The following DDIAS variants were observed in gnomAD, a reference collection of about 807,000 sequenced individuals.
DDIAS encodes the protein DNA damage induced apoptosis suppressor.
A neutral mutation model predicts 15.7 loss-of-function variants in DDIAS; 14 were observed. The ratio of observed to expected loss-of-function variants is 0.89; its 90% CI spans 0.59 to 1.39. The LOEUF (loss-of-function observed/expected upper bound fraction) is 1.39, where lower values mean the gene tolerates loss of function less well. Among genes scored for constraint, DDIAS ranks in the 40% most tolerant of loss-of-function variants. The pLI, the probability that DDIAS is intolerant of heterozygous loss-of-function variation, is 0.00. For synonymous variants in DDIAS, 355 were observed against 395.9 expected (o/e 0.90, Z 1.23); for missense variants, 1,035 against 1,130.9 (o/e 0.92, Z 1.22).
In DDIAS at chr11:82,902,374, C is replaced by T. The variant is rs1364420745; in HGVS notation, c.-117+552C>T. ...GTTCGACCCTATGACTGCTACATAGCTGTGACAGTAACCCCCCCCTCCCCC... is the reference window on the plus strand; with the variant it reads ...GTTCGACCCTATGACTGCTACATAGTTGTGACAGTAACCCCCCCCTCCCCC... On this transcript the variant is annotated intron_variant, in intron 1 of 5. Transcript: ENST00000533655. 2.0e-5 allele frequency among the ~76,000 whole-genome samples: 3 copies of T among 152,058 alleles called. No homozygotes were observed. In the East Asian group the frequency reaches 5.8e-4, roughly 29 times the overall value.
chr11:82,902,047 C>G (rs932115192), intron 1 of DDIAS, among the ~76,000 whole-genome samples: 10 of 152,206 alleles, frequency 6.6e-5, no homozygotes, highest in Non-Finnish European at 1.0e-4. Flanking sequence ...TGAACACTTA[C>G]AGTGCCATCG....
intron 3 of DDIAS, among the ~76,000 whole-genome samples, chr11:82,920,219 T>C (rs1860716680): frequency 6.6e-6 from 1 of 152,188 alleles, no homozygotes; most frequent in Middle Eastern, 3.2e-3. Context: ...GTGGTGTCAG[T>C]TGTAATATGT....
intron 4 of DDIAS, among the ~76,000 whole-genome samples, chr11:82,929,916 A>G (rs1174457627): frequency 6.6e-6 from 1 of 152,078 alleles, no homozygotes; most frequent in Admixed American, 6.6e-5. Context: ...TTTCCTTATA[A>G]TCATTGCCGG....
At chr11:82,914,088 C>G (rs573481021) in intron 2 of DDIAS, 3 of 326,336 alleles carry the variant, frequency 9.2e-6, no homozygotes, top group African/African-American at 2.3e-5. Context: ...AGGCACCCCC[C>G]ACCATGCTCA....
At chr11:82,926,140 A>G (rs1860857842) in intron 3 of DDIAS, among the ~76,000 whole-genome samples, 1 of 141,424 alleles carries the variant, frequency 7.1e-6, no homozygotes, top group African/African-American at 2.7e-5. Flanking sequence ...TCCAGACTGG[A>G]GTTCAATGGC....
intron 3 of DDIAS, among the ~76,000 whole-genome samples, chr11:82,917,860 C>T (rs1292211325): frequency 6.6e-6 from 1 of 152,248 alleles, no homozygotes; most frequent in Admixed American, 6.5e-5. Flanking sequence ...AAGGTAGTAT[C>T]GCATTGTGAT....
intron 5 of DDIAS, among the ~76,000 whole-genome samples, 193 bp from the exon 6 acceptor site, chr11:82,931,539 T>C (rs1009732585): frequency 3.9e-5 from 6 of 151,914 alleles, no homozygotes; most frequent in African/African-American, 1.5e-4. Flanking sequence ...GGTATTTTTT[T>C]TAGAGGAGAG....
intron 3 of DDIAS, among the ~76,000 whole-genome samples, chr11:82,916,255 C>T (rs1303918767): frequency 6.6e-6 from 1 of 152,152 alleles, no homozygotes; most frequent in Non-Finnish European, 1.5e-5. Context: ...TAGTAGAATA[C>T]ATAACATATA....
chr11:82,907,337 A>G (rs1258823184), intron 1 of DDIAS, among the ~76,000 whole-genome samples: 1 of 152,224 alleles, frequency 6.6e-6, no homozygotes, highest in East Asian at 1.9e-4. Flanking sequence ...AATACACTAC[A>G]ATAGACAAAA....
chr11:82,921,196 C>A (rs1228076413), intron 3 of DDIAS, among the ~76,000 whole-genome samples: 1 of 152,156 alleles, frequency 6.6e-6, no homozygotes, highest in African/African-American at 2.4e-5. Flanking sequence ...ATAGCTACCC[C>A]TGCTTGGTGT....
rs1305923135 is a variant in DDIAS at position 82,931,733 on chromosome 11, A to AT, written c.399dup (p.Glu134Ter). ...TAAATTTCTTTGCTTCTTTCACAGAATTTTGAAAACCAACCTGGACAAGGT... is the reference window on the plus strand; with the variant it reads ...TAAATTTCTTTGCTTCTTTCACAGAATTTTTGAAAACCAACCTGGACAAGGT... On this transcript the variant is annotated frameshift_variant and splice_region_variant, in exon 6 of 6. Coordinates refer to ENST00000533655, the MANE Select transcript of DDIAS (RefSeq NM_145018.4). LOFTEE classifies it low-confidence loss of function (END_TRUNC). The AT allele has an allele frequency of 6.4e-7, 1 of 1,570,510 alleles. No individual in the cohort carries two copies. The highest frequency in any genetic ancestry group is 8.6e-7 in the Non-Finnish European group (1 of 1,163,696).
At chr11:82,925,362 C>T (rs760696936) in intron 3 of DDIAS, among the ~76,000 whole-genome samples, 9 of 152,010 alleles carry the variant, frequency 5.9e-5, no homozygotes, top group Non-Finnish European at 1.2e-4. Context: ...TCTGGGAGGC[C>T]GAAACAAGAG....
chr11:82,919,528 A>G (rs11233375), intron 3 of DDIAS, among the ~76,000 whole-genome samples: 36,019 of 152,150 alleles, frequency 0.24, 4,712 homozygotes, highest in Admixed American at 0.3. Flanking sequence ...TTTAGCATCT[A>G]TGTTCATCAA....
intron 3 of DDIAS, among the ~76,000 whole-genome samples, chr11:82,916,305 A>G (rs1375335205): frequency 1.3e-5 from 2 of 152,192 alleles, no homozygotes; most frequent in Admixed American, 6.5e-5. Context: ...ATTATAATCT[A>G]TTATAAGTAT....
intron 3 of DDIAS, among the ~76,000 whole-genome samples, chr11:82,920,458 G>GTCTAGTTCCT (rs1860722510): frequency 6.6e-6 from 1 of 152,146 alleles, no homozygotes; most frequent in Admixed American, 6.5e-5. Context: ...TCCTTGAGGT[G>GTCTAGTTCCT]TGACCTTAGA....
At chr11:82,914,674 C>A in intron 2 of DDIAS, 49 bp from the exon 3 acceptor site, 2 of 914,142 alleles carry the variant, frequency 2.2e-6, no homozygotes, top group Admixed American at 2.0e-5. Flanking sequence ...AGAATATGCA[C>A]TGCAATGAAA....
chr11:82,913,476 C>T (rs927031356), intron 2 of DDIAS, 90 bp downstream of exon 2: 2 of 250,746 alleles, frequency 8.0e-6, no homozygotes, highest in Non-Finnish European at 1.6e-5. Flanking sequence ...AACTCCTGGG[C>T]TCAAGCAATC....
chr11:82,916,016 A>G (rs1345887022), intron 3 of DDIAS, among the ~76,000 whole-genome samples: 3 of 152,230 alleles, frequency 2.0e-5, no homozygotes, highest in African/African-American at 7.2e-5. Context: ...TTAAAGTCAC[A>G]GTATCCAAGA....
At chr11:82,925,547 A>G (rs1565248631) in intron 3 of DDIAS, among the ~76,000 whole-genome samples, 1 of 152,236 alleles carries the variant, frequency 6.6e-6, no homozygotes, top group Non-Finnish European at 1.5e-5. Context: ...ACAGTAAGCT[A>G]TGATAGCACC....
Sources: allele counts gnomAD v4.1 joint callset (sites outside exome capture counted in the v4.1 genomes callset), GRCh38; gene constraint gnomAD v4.1.1; transcripts MANE v1.5; gene names NCBI Gene and HGNC (gene_info 2026-07-23, HGNC 2026-07-21).